RBFOX1: variants seen among roughly 807,000 people sequenced by gnomAD.
RBFOX1 encodes RNA binding fox-1 homolog 1, also known as RNA binding protein fox-1 homolog 1.
RBFOX1 carries 8 observed loss-of-function variants against 57.7 expected under a neutral mutation model. That is an observed-to-expected ratio of 0.14 (90% CI 0.08 to 0.25). The LOEUF is 0.25. RBFOX1 is among the 10% of genes least tolerant of loss of function. The pLI is 1.00. For missense variants in RBFOX1, 611 were observed against 548.5 expected (o/e 1.11, Z -1.14); for synonymous variants, 326 against 222.4 (o/e 1.47, Z -4.15).
chr16:7,090,238 G>A (rs1052198031), intron 4 of RBFOX1, among the ~76,000 whole-genome samples: 5 of 152,158 alleles, frequency 3.3e-5, no homozygotes, highest in Non-Finnish European at 2.9e-5. Context: ...CAATAAAATA[G>A]AATCCATATT....
chr16:6,533,089 A>T (rs1298355092), intron 2 of RBFOX1, among the ~76,000 whole-genome samples: 1 of 152,220 alleles, frequency 6.6e-6, no homozygotes, highest in African/African-American at 2.4e-5. Flanking sequence ...AGCCAGGAGC[A>T]TCCTAGGTTG....
intron 2 of RBFOX1, among the ~76,000 whole-genome samples, chr16:6,532,877 C>A (rs543220355): frequency 7.4e-4 from 112 of 152,356 alleles, no homozygotes; most frequent in South Asian, 3.1e-3. Flanking sequence ...AGACCCTTCT[C>A]TGGCCCCTTG....
At chr16:7,704,722 G>T (rs576329036) in intron 14 of RBFOX1, among the ~76,000 whole-genome samples, 1 of 152,298 alleles carries the variant, frequency 6.6e-6, no homozygotes, top group African/African-American at 2.4e-5. Flanking sequence ...ACAACATGAA[G>T]GGGTAGGGAT....
chr16:7,126,420 C>G, intron 4 of RBFOX1: 1 of 231,324 alleles, frequency 4.3e-6, no homozygotes, highest in Admixed American at 4.1e-5. Context: ...GCAGCTCACA[C>G]AGTAACGTGG....
intron 14 of RBFOX1, among the ~76,000 whole-genome samples, chr16:7,708,220 G>C (rs558314951): frequency 3.3e-5 from 5 of 151,870 alleles, no homozygotes; most frequent in Non-Finnish European, 5.9e-5. Context: ...ATGCGACCTT[G>C]AGCAAGTGAC....
intron 4 of RBFOX1, among the ~76,000 whole-genome samples, chr16:7,263,538 G>T (rs1200723888): frequency 6.6e-6 from 1 of 152,070 alleles, no homozygotes; most frequent in Non-Finnish European, 1.5e-5. Flanking sequence ...AGGTGCTTTG[G>T]GTTCAGGCAG....
intron 4 of RBFOX1, among the ~76,000 whole-genome samples, chr16:5,982,994 G>C (rs2060203597): frequency 6.6e-6 from 1 of 152,202 alleles, no homozygotes; most frequent in South Asian, 2.1e-4. Context: ...CTCTGCCTCA[G>C]TTTCCTCCTC....
chr16:7,676,878 A>C, intron 14 of RBFOX1, 40 bp downstream of exon 14: 1 of 1,553,126 alleles, frequency 6.4e-7, no homozygotes, highest in Non-Finnish European at 8.9e-7. Flanking sequence ...CTACTTGTAA[A>C]TTAACTTAGT....
intron 2 of RBFOX1, among the ~76,000 whole-genome samples, chr16:6,482,955 T>G (rs1291724415): frequency 1.3e-5 from 2 of 152,236 alleles, no homozygotes; most frequent in African/African-American, 4.8e-5. Flanking sequence ...CAGGGAACCG[T>G]GCAAGGTGCC....
intron 3 of RBFOX1, among the ~76,000 whole-genome samples, chr16:5,783,467 A>T (rs80081155): frequency 2.1e-4 from 32 of 152,334 alleles, no homozygotes; most frequent in African/African-American, 7.5e-4. Context: ...ATTAAATAAA[A>T]GATGCATATC....
At chr16:6,342,531 G>C (rs1457975648) in intron 2 of RBFOX1, among the ~76,000 whole-genome samples, 1 of 152,114 alleles carries the variant, frequency 6.6e-6, no homozygotes, top group African/African-American at 2.4e-5. Context: ...GCAACCTCAC[G>C]AGATTCAAGG....
Position 7,041,939 on chromosome 16 carries a change from A to G in RBFOX1, c.-15-10118A>G, listed in dbSNP as rs993511433. ...TTATCTCTATGGTACAAATGGGGAA[A>G]TTGCCTGCAGAGATTATATAATATG... On this transcript the variant is annotated intron_variant, in intron 3 of 15. Coordinates refer to ENST00000550418, the MANE Select transcript of RBFOX1 (RefSeq NM_018723.4). Among the ~76,000 whole-genome samples, 12 of 152,314 alleles carry G rather than the reference A, an allele frequency of 7.9e-5. 1 individual carries two copies. The South Asian group carries it at 1.0e-3, about 13-fold the overall frequency.
intron 2 of RBFOX1, among the ~76,000 whole-genome samples, chr16:6,632,240 C>A (rs1350100863): frequency 6.6e-6 from 1 of 151,938 alleles, no homozygotes; most frequent in Non-Finnish European, 1.5e-5. Context: ...GTCTGTTTTC[C>A]CTGCATGCTA....
At chr16:7,208,380 G>C (rs1285244908) in intron 4 of RBFOX1, among the ~76,000 whole-genome samples, 1 of 152,178 alleles carries the variant, frequency 6.6e-6, no homozygotes, top group Non-Finnish European at 1.5e-5. Context: ...TTTGGCTTAT[G>C]GTTCTGCAGG....
intron 1 of RBFOX1, among the ~76,000 whole-genome samples, chr16:5,360,148 C>A (rs2065503769): frequency 6.6e-6 from 1 of 152,218 alleles, no homozygotes; most frequent in African/African-American, 2.4e-5. Context: ...TCCATAGGCT[C>A]CTGATCATCC....
chr16:6,720,436 A>G (rs2065753773), intron 3 of RBFOX1, among the ~76,000 whole-genome samples: 1 of 152,114 alleles, frequency 6.6e-6, no homozygotes, highest in South Asian at 2.1e-4. Flanking sequence ...ACCCACTCTC[A>G]GGTAGTTCTT....
intron 4 of RBFOX1, among the ~76,000 whole-genome samples, chr16:7,082,369 C>G (rs975814801): frequency 2.0e-5 from 3 of 151,850 alleles, no homozygotes; most frequent in African/African-American, 4.8e-5. Flanking sequence ...TCATTTGAGG[C>G]CAGGAGTTTG....
chr16:5,410,077 C>T (rs941733569), intron 1 of RBFOX1, among the ~76,000 whole-genome samples: 8 of 148,816 alleles, frequency 5.4e-5, no homozygotes, highest in African/African-American at 2.0e-4. Context: ...TAATAATCAA[C>T]ATGCAGCTGG....
At chr16:5,697,690 C>T (rs564359266) in intron 3 of RBFOX1, among the ~76,000 whole-genome samples, 11 of 78,544 alleles carry the variant, frequency 1.4e-4, no homozygotes, top group South Asian at 6.1e-4. Context: ...TGCGCCACCA[C>T]GCTCGGCTAA....
Sources: allele counts gnomAD v4.1 joint callset (sites outside exome capture counted in the v4.1 genomes callset), GRCh38; gene constraint gnomAD v4.1.1; transcripts MANE v1.5; gene names NCBI Gene and HGNC (gene_info 2026-07-23, HGNC 2026-07-21).